The following TALDO1 variants were observed in gnomAD, a reference collection of about 807,000 sequenced individuals.
TALDO1 encodes the protein transaldolase.
TALDO1 carries 29 observed loss-of-function variants against 38.1 expected under a neutral mutation model. That is an observed-to-expected ratio of 0.76 (90% CI 0.57 to 1.04). TALDO1 has a LOEUF of 1.04. TALDO1 is among the 50% of genes least tolerant of loss of function. TALDO1 has a pLI of 0.00. For synonymous variants in TALDO1, 207 were observed against 176.8 expected, an observed-to-expected ratio of 1.17 and a Z score of -1.36; for missense variants, 499 against 438.1, an observed-to-expected ratio of 1.14 and a Z score of -1.24.
Position 763,315 on chromosome 11 carries a change from C to A in TALDO1, c.462-29C>A. ...CCTCACCTGTCCCCGCCCTCACCTGCCCCGCCCTCACCTGTCCCCGCCCCG... is the reference window on the plus strand; with the variant it reads ...CCTCACCTGTCCCCGCCCTCACCTGACCCGCCCTCACCTGTCCCCGCCCCG... On this transcript the variant is annotated intron_variant, in intron 4 of 7. Transcript: ENST00000319006. 16 of 1,256,400 alleles carry A rather than the reference C, an allele frequency of 1.3e-5. 1 individual carries two copies. Among genetic ancestry groups the A allele is most frequent in the Non-Finnish European group, 1.7e-5 (16 of 939,234 alleles). The allele number at this position is 1,256,400 out of a possible 1,614,324, so 77.8% of individuals were successfully genotyped here. A position where few individuals can be genotyped will look rare whatever the true frequency, so the allele number is the denominator to read the frequency against.
At chr11:749,938 A>G (rs1263651440) in intron 1 of TALDO1, among the ~76,000 whole-genome samples, 1 of 152,176 alleles carries the variant, frequency 6.6e-6, no homozygotes, top group Non-Finnish European at 1.5e-5. Flanking sequence ...AAATCAGCCC[A>G]TACAGTCCTG....
At chr11:759,863 A>T (rs1334757382) in intron 3 of TALDO1, among the ~76,000 whole-genome samples, 4 of 152,218 alleles carry the variant, frequency 2.6e-5, no homozygotes, top group African/African-American at 9.7e-5. Context: ...TACAGGCGTG[A>T]GCCACGGCAC....
intron 4 of TALDO1, 47 bp downstream of exon 4, chr11:760,300 G>C (rs1277342820): frequency 5.0e-6 from 8 of 1,609,138 alleles, no homozygotes; most frequent in Non-Finnish European, 5.9e-6. Context: ...TTTTTCCTCT[G>C]TTGGAGCAGG....
At chr11:761,278 G>A (rs539467786) in intron 4 of TALDO1, among the ~76,000 whole-genome samples, 2 of 150,134 alleles carry the variant, frequency 1.3e-5, no homozygotes, top group South Asian at 4.2e-4. Context: ...GGACGTTGCA[G>A]TGAGCCGAGA....
intron 3 of TALDO1, 56 bp downstream of exon 3, chr11:759,113 C>G: frequency 6.3e-6 from 9 of 1,424,520 alleles, no homozygotes; most frequent in Non-Finnish European, 8.9e-6. Context: ...CAGTTGCACA[C>G]GTGGATGCCA....
At chr11:752,003 C>T (rs1321204846) in intron 1 of TALDO1, among the ~76,000 whole-genome samples, 3 of 152,122 alleles carry the variant, frequency 2.0e-5, no homozygotes, top group African/African-American at 4.8e-5. Flanking sequence ...CTGTTCCTTT[C>T]TCTCTTCAAG....
At chr11:764,473 A>G (rs749654682) in intron 7 of TALDO1, 40 bp downstream of exon 7, 22 of 1,602,510 alleles carry the variant, frequency 1.4e-5, no homozygotes, top group African/African-American at 5.4e-5. Flanking sequence ...GCCAAGCCCT[A>G]TGAGAGCCCG....
chr11:756,740 A>C (rs1452530888), intron 2 of TALDO1, among the ~76,000 whole-genome samples: 1 of 151,866 alleles, frequency 6.6e-6, no homozygotes, highest in Non-Finnish European at 1.5e-5. Context: ...CCGGTCTCGA[A>C]CTTCTTACCT....
intron 2 of TALDO1, among the ~76,000 whole-genome samples, chr11:758,486 T>C (rs1862879151): frequency 6.6e-6 from 1 of 151,890 alleles, no homozygotes; most frequent in South Asian, 2.1e-4. Context: ...ATGTTATATG[T>C]ATTATTTGGC....
intron 2 of TALDO1, 132 bp from the exon 3 acceptor site, chr11:758,818 G>C: frequency 3.2e-6 from 2 of 625,286 alleles, no homozygotes; most frequent in Non-Finnish European, 6.0e-6. Flanking sequence ...TGTTAGCCAG[G>C]ATGGTCTTGA....
In TALDO1 at chr11:758,959, G is replaced by C; in HGVS notation, c.231G>C (p.Glu77Asp). Reference protein sequence around the residue: ...AYGRKLGGSQEDQIKNAIDKL... With the variant: ...AYGRKLGGSQDDQIKNAIDKL... ...TCCCTTTGAATTTCAGGTCACAAGAGGACCAGATTAAAAATGCTATTGATA... is the reference window on the plus strand; with the variant it reads ...TCCCTTTGAATTTCAGGTCACAAGACGACCAGATTAAAAATGCTATTGATA... Residue 77 changes from glutamate (E) to aspartate (D), a missense_variant, in exon 3 of 8, where the codon GAG becomes GAC. Physicochemically the swap from Glu to Asp is conservative, Grantham distance 45. Coordinates refer to ENST00000319006, the MANE Select transcript of TALDO1 (RefSeq NM_006755.2). The C allele has an allele frequency of 6.2e-7, 1 of 1,611,270 alleles. No individual in the cohort carries two copies. Among genetic ancestry groups the C allele is most frequent in the Non-Finnish European group, 8.5e-7 (1 of 1,178,110 alleles).
At chr11:757,992 G>A (rs1862866127) in intron 2 of TALDO1, among the ~76,000 whole-genome samples, 1 of 152,122 alleles carries the variant, frequency 6.6e-6, no homozygotes, top group Admixed American at 6.6e-5. Flanking sequence ...ATAAAAATTA[G>A]CTGGGCATGG....
chr11:761,195 G>A (rs1324385513), intron 4 of TALDO1, among the ~76,000 whole-genome samples: 3 of 152,044 alleles, frequency 2.0e-5, no homozygotes, highest in Non-Finnish European at 4.4e-5. Context: ...ATTTAGCTGG[G>A]CGTGGTGGCA....
chr11:756,730 C>T (rs1862845108), intron 2 of TALDO1, among the ~76,000 whole-genome samples: 1 of 152,098 alleles, frequency 6.6e-6, no homozygotes, highest in African/African-American at 2.4e-5. Context: ...GTTGGCCAGG[C>T]CGGTCTCGAA....
intron 2 of TALDO1, among the ~76,000 whole-genome samples, chr11:757,000 C>G (rs777763025): frequency 1.3e-5 from 2 of 152,156 alleles, no homozygotes; most frequent in African/African-American, 4.8e-5. Flanking sequence ...AAGATGGTGC[C>G]GAGCAGGCAA....
chr11:763,666 T>C (rs1862995557), intron 5 of TALDO1, 81 bp from the exon 6 acceptor site: 2 of 1,575,646 alleles, frequency 1.3e-6, no homozygotes, highest in Non-Finnish European at 1.7e-6. Context: ...CTCAAGGTAG[T>C]GCAGCCGGCA....
chr11:759,153 G>A (rs1213550655), intron 3 of TALDO1, 96 bp downstream of exon 3: 7 of 1,067,614 alleles, frequency 6.6e-6, no homozygotes, highest in Non-Finnish European at 1.0e-5. Flanking sequence ...CTCCACCCAT[G>A]GTCTTCATCC....
intron 1 of TALDO1, among the ~76,000 whole-genome samples, chr11:752,087 TG>T: frequency 6.6e-6 from 1 of 151,950 alleles, no homozygotes; most frequent in Non-Finnish European, 1.5e-5. Context: ...TCTTTTTTTT[TG>T]GAGGCGGAGT....
intron 4 of TALDO1, among the ~76,000 whole-genome samples, chr11:762,441 A>AACACATCTGCTGCTC (rs1564993632): frequency 1.5e-4 from 23 of 150,110 alleles, no homozygotes; most frequent in Non-Finnish European, 3.0e-4. Flanking sequence ...ATCTGCTGCT[A>AACACATCTGCTGCTC]TGAACACATC....
Sources: gnomAD v4.1 joint callset for allele counts (sites outside exome capture counted in the v4.1 genomes callset) on GRCh38, gnomAD v4.1.1 for gene constraint, MANE v1.5 for transcripts, NCBI Gene and HGNC (gene_info 2026-07-23, HGNC 2026-07-21) for gene names.